The following ZCCHC2 variants were observed in gnomAD, a reference collection of about 807,000 sequenced individuals.
The protein encoded by ZCCHC2 is zinc finger CCHC domain-containing protein 2.
ZCCHC2 carries 39 observed loss-of-function variants against 103.6 expected under a neutral mutation model. The observed-to-expected ratio is 0.38, with a 90% CI of 0.29 to 0.49. The LOEUF (loss-of-function observed/expected upper bound fraction) is 0.49. Ranked by LOEUF, ZCCHC2 falls within the 20% of genes least tolerant of loss-of-function variation. ZCCHC2 has a pLI of 0.96. For synonymous variants in ZCCHC2, 687 were observed against 608.9 expected, an observed-to-expected ratio of 1.13 and a Z score of -1.89; for missense variants, 1,483 against 1,491.0, an observed-to-expected ratio of 0.99 and a Z score of 0.09.
intron 8 of ZCCHC2, among the ~76,000 whole-genome samples, chr18:62,561,291 G>A (rs931200158): frequency 6.6e-6 from 1 of 152,192 alleles, no homozygotes; most frequent in African/African-American, 2.4e-5. Context: ...TAATTGGGCA[G>A]TTACTTTCCG....
chr18:62,582,914 G>A (rs1917074609), downstream of ZCCHC2, among the ~76,000 whole-genome samples: 1 of 151,968 alleles, frequency 6.6e-6, no homozygotes, highest in Admixed American at 6.6e-5. Flanking sequence ...GACCAGCCTG[G>A]GCAACATGAC....
At chr18:62,579,194 A>G (rs141389505), downstream of ZCCHC2, among the ~76,000 whole-genome samples, 160 of 152,318 alleles carry the variant, frequency 1.1e-3, no homozygotes, top group African/African-American at 3.7e-3. Context: ...GTCCTTGTCA[A>G]CCTTGAGCTC....
rs371781493 is a variant in ZCCHC2, at chr18:62,527,579, T to A, written c.939+3216T>A. ...ATTACAACTTAAATGTCAGCAGTTT[T>A]TTTAGGAGGCTTGTACATAAATCTC... On this transcript the variant is annotated intron_variant, in intron 1 of 13. Coordinates refer to ENST00000269499, the MANE Select transcript of ZCCHC2 (RefSeq NM_017742.6). 1.1e-4 allele frequency among the ~76,000 whole-genome samples: 17 copies of A among 152,338 alleles called. No individual in the cohort carries two copies. The South Asian group carries it at 3.5e-3, about 32-fold the overall frequency.
At chr18:62,524,646 G>A (rs183941515) in intron 1 of ZCCHC2, 322 of 428,886 alleles carry the variant, frequency 7.5e-4, no homozygotes, top group Non-Finnish European at 7.6e-4. Flanking sequence ...AAGACGTGGA[G>A]CTCCCCGCCC....
chr18:62,551,212 G>A (rs1216590449), intron 5 of ZCCHC2: 1 of 152,230 alleles, frequency 6.6e-6, no homozygotes, highest in Non-Finnish European at 1.5e-5. Flanking sequence ...TGAGAGTAGA[G>A]GGGATGTAAA....
chr18:62,551,240 T>C (rs1438692642), intron 5 of ZCCHC2: 1 of 152,288 alleles, frequency 6.6e-6, no homozygotes, highest in Non-Finnish European at 1.5e-5. Context: ...TGTGGAGAGC[T>C]GGAGAACAAC....
In ZCCHC2 at chr18:62,523,444, C is replaced by T; in HGVS notation, c.20C>T (p.Pro7Leu). The change falls in exon 1 of 14, where the codon CCG becomes CTG. Residue 7 changes from proline (P) to leucine (L), a missense_variant. Pro to Leu is a moderately conservative substitution (Grantham distance 98). Coordinates refer to ENST00000269499, the MANE Select transcript of ZCCHC2 (RefSeq NM_017742.6). MLRMKL[P>L]LKPTHPAEPP... The stretch of plus-strand genomic sequence containing the variant: ...CCGAGGATGCTGAGGATGAAGCTGC[C>T]GCTGAAGCCAACGCACCCCGCGGAG... The T allele has an allele frequency of 1.8e-6, 2 of 1,101,414 alleles. No homozygotes were observed. The highest frequency in any genetic ancestry group is 4.1e-5 in the South Asian group (2 of 48,504). 68.2% of individuals were successfully genotyped at this position (1,101,414 alleles called of 1,614,324 possible).
chr18:62,573,298 C>T (rs938177678), intron 12 of ZCCHC2, among the ~76,000 whole-genome samples: 8 of 152,188 alleles, frequency 5.3e-5, no homozygotes, highest in Middle Eastern at 3.4e-3. Context: ...ATCCTTGTCC[C>T]CTTTATACCA....
chr18:62,584,050 G>A (rs1171567643), intron 14 of ZCCHC2, among the ~76,000 whole-genome samples: 5 of 152,090 alleles, frequency 3.3e-5, no homozygotes, highest in African/African-American at 9.7e-5. Flanking sequence ...TGATGTTACC[G>A]CTGCTTACAG....
intron 7 of ZCCHC2, among the ~76,000 whole-genome samples, chr18:62,559,438 G>T (rs989153148): frequency 2.6e-5 from 4 of 152,204 alleles, no homozygotes; most frequent in Non-Finnish European, 4.4e-5. Flanking sequence ...AATGGAAACA[G>T]GTGTCATCTC....
chr18:62,534,963 T>C lies in ZCCHC2; in HGVS notation c.940-4718T>C, dbSNP rs370339331. Among the ~76,000 whole-genome samples the C allele has an allele frequency of 6.2e-4, 94 of 152,344 alleles. 1 individual carries two copies. The South Asian group carries it at 0.019, about 31-fold the overall frequency. On this transcript the variant is annotated intron_variant, in intron 1 of 13. Transcript: ENST00000269499. The stretch of plus-strand genomic sequence containing the variant: ...AGATCCTTCTTAGGTTCTATAAGCT[T>C]ATGTTTCTACAAGGTTCCAAGAATG...
chr18:62,551,392 G>C (rs978490352), intron 5 of ZCCHC2: 1 of 152,272 alleles, frequency 6.6e-6, no homozygotes, highest in Admixed American at 6.5e-5. Flanking sequence ...CAAGTGTCAG[G>C]AAAGCAGGTA....
intron 4 of ZCCHC2, among the ~76,000 whole-genome samples, chr18:62,545,882 C>T (rs2145501787): frequency 6.6e-6 from 1 of 152,178 alleles, no homozygotes; most frequent in Admixed American, 6.5e-5. Context: ...GACTTTTATT[C>T]ATCAACTTGT....
intron 2 of ZCCHC2, among the ~76,000 whole-genome samples, chr18:62,542,293 T>A (rs887193730): frequency 5.9e-5 from 9 of 152,134 alleles, no homozygotes; most frequent in African/African-American, 9.7e-5. Context: ...TAGAAAAAAA[T>A]TTTTTTCATG....
At chr18:62,570,775 T>C (rs1000955303) in intron 12 of ZCCHC2, among the ~76,000 whole-genome samples, 13 of 152,246 alleles carry the variant, frequency 8.5e-5, no homozygotes, top group African/African-American at 3.1e-4. Context: ...AGTTAGATTA[T>C]GGTTTTTTAT....
rs562680924 is a variant in ZCCHC2 at position 62,541,612 on chromosome 18, G to GCA, written c.1052-885_1052-884dup. 2.4e-3 allele frequency among the ~76,000 whole-genome samples: 362 copies of GCA among 152,024 alleles called. 2 individuals carry two copies. The highest frequency in any genetic ancestry group is 8.2e-3 in the African/African-American group (340 of 41,434). ...CCTAACCTCTTCTCTGTAACCTTTA[G>GCA]CATATTCATTATCAGCCTGATATTA... On this transcript the variant is annotated intron_variant, in intron 2 of 13. Transcript: ENST00000269499.
intron 1 of ZCCHC2, among the ~76,000 whole-genome samples, chr18:62,532,066 TTAAAA>T (rs1477894858): frequency 2.0e-5 from 3 of 152,190 alleles, no homozygotes; most frequent in East Asian, 1.9e-4. Context: ...GAAGGTCATG[TTAAAA>T]TAATAGGTTG....
chr18:62,559,318 A>G (rs983365018), intron 7 of ZCCHC2, among the ~76,000 whole-genome samples: 6 of 152,240 alleles, frequency 3.9e-5, no homozygotes, highest in African/African-American at 1.2e-4. Flanking sequence ...CAATGAGACA[A>G]TCATCCCAAC....
At chr18:62,524,568 G>A in intron 1 of ZCCHC2, 1 of 698,578 alleles carries the variant, frequency 1.4e-6, no homozygotes, top group Non-Finnish European at 2.1e-6. Context: ...CCCACACCCC[G>A]GCAGACACAG....
Sources: allele counts gnomAD v4.1 joint callset (sites outside exome capture counted in the v4.1 genomes callset), GRCh38; gene constraint gnomAD v4.1.1; transcripts MANE v1.5; gene names NCBI Gene and HGNC (gene_info 2026-07-23, HGNC 2026-07-21).